The following GABPB1 variants were observed in gnomAD, a reference collection of about 807,000 sequenced individuals.
The protein encoded by GABPB1 is GA binding protein transcription factor subunit beta 1, also known as GA-binding protein subunit beta-1.
In GABPB1, 15 loss-of-function variants were observed where a neutral mutation model predicts 45.9. The observed-to-expected ratio is 0.33, with a 90% CI of 0.22 to 0.50. The LOEUF (loss-of-function observed/expected upper bound fraction) is 0.50, where lower values mean the gene tolerates loss of function less well. Among genes scored for constraint, GABPB1 ranks in the 20% least tolerant of loss-of-function variants. The pLI is 0.98. For missense variants in GABPB1, 252 were observed against 457.5 expected (o/e 0.55, Z 4.10); for synonymous variants, 143 against 154.4 (o/e 0.93, Z 0.55).
intron 1 of GABPB1, among the ~76,000 whole-genome samples, chr15:50,337,991 C>T (rs569062680): frequency 1.3e-5 from 2 of 152,154 alleles, no homozygotes; most frequent in African/African-American, 4.8e-5. Flanking sequence ...AAATATAATT[C>T]ATTCAAAAAA....
chr15:50,289,350 C>A (rs1490126107), intron 7 of GABPB1, 133 bp downstream of exon 7: 4 of 600,642 alleles, frequency 6.7e-6, no homozygotes, highest in African/African-American at 1.9e-5. Context: ...AAAATACATT[C>A]TTTGGAACAC....
chr15:50,306,553 G>A (rs2046954837), intron 2 of GABPB1, among the ~76,000 whole-genome samples: 1 of 151,464 alleles, frequency 6.6e-6, no homozygotes, highest in Non-Finnish European at 1.5e-5. Flanking sequence ...CTTGAACCCG[G>A]GAGGCAGAGG....
At chr15:50,285,933 A>C in intron 8 of GABPB1, 135 bp downstream of exon 8, 1 of 1,433,968 alleles carries the variant, frequency 7.0e-7, no homozygotes, top group South Asian at 1.7e-5. Flanking sequence ...TAAGGCAAAA[A>C]TAAACAAAAT....
chr15:50,305,730 T>C (rs1292810055), intron 2 of GABPB1, among the ~76,000 whole-genome samples: 2 of 152,194 alleles, frequency 1.3e-5, no homozygotes, highest in African/African-American at 4.8e-5. Flanking sequence ...TTTTGTCTTC[T>C]GAGACTTTCC....
At chr15:50,349,972 T>A (rs915860789) in intron 1 of GABPB1, 1 of 152,210 alleles carries the variant, frequency 6.6e-6, no homozygotes, top group Admixed American at 6.5e-5. Flanking sequence ...TGGGTTTTTT[T>A]ACCAAAATGG....
At chr15:50,354,630 C>A in intron 1 of GABPB1, 1 of 439,466 alleles carries the variant, frequency 2.3e-6, no homozygotes, top group East Asian at 8.5e-5. Flanking sequence ...TCGGCGCGAC[C>A]CCATCGCCAC....
intron 4 of GABPB1, among the ~76,000 whole-genome samples, chr15:50,302,518 C>A (rs1467845572): frequency 6.6e-6 from 1 of 151,710 alleles, no homozygotes; most frequent in Admixed American, 6.6e-5. Flanking sequence ...GCAGCATGCA[C>A]CTGTAGTCCC....
intron 1 of GABPB1, among the ~76,000 whole-genome samples, chr15:50,342,354 A>G: frequency 6.6e-6 from 1 of 152,006 alleles, no homozygotes; most frequent in East Asian, 1.9e-4. Flanking sequence ...ATAGGAGTAA[A>G]GGCTAATGGT....
intron 1 of GABPB1, among the ~76,000 whole-genome samples, chr15:50,333,069 A>G (rs2047999816): frequency 6.6e-6 from 1 of 152,140 alleles, no homozygotes. Flanking sequence ...TAATAACTTA[A>G]TAACTTATTA....
At chr15:50,296,487 C>A (rs536106533) in intron 6 of GABPB1, among the ~76,000 whole-genome samples, 1 of 152,104 alleles carries the variant, frequency 6.6e-6, no homozygotes, top group South Asian at 2.1e-4. Context: ...AAATTATAAA[C>A]GTTCTAAAAG....
At chr15:50,314,721 T>C (rs1458066575) in intron 1 of GABPB1, 2 of 152,262 alleles carry the variant, frequency 1.3e-5, no homozygotes, top group Non-Finnish European at 2.9e-5. Context: ...AAAGATTCCA[T>C]TGAAAATATA....
At chr15:50,320,500 T>C (rs1297350210) in intron 1 of GABPB1, among the ~76,000 whole-genome samples, 1 of 152,206 alleles carries the variant, frequency 6.6e-6, no homozygotes, top group Non-Finnish European at 1.5e-5. Context: ...AATCTTCCTG[T>C]CTCTGTACAC....
chr15:50,291,749 G>A (rs2059872463), intron 6 of GABPB1, among the ~76,000 whole-genome samples: 2 of 151,814 alleles, frequency 1.3e-5, no homozygotes, highest in African/African-American at 4.8e-5. Context: ...GTGAAAAACT[G>A]TCTACAAAAA....
intron 1 of GABPB1, chr15:50,327,351 A>T: frequency 6.6e-6 from 1 of 152,136 alleles, no homozygotes; most frequent in East Asian, 1.9e-4. Flanking sequence ...CTGGTCTTAC[A>T]CACTCATTGC....
intron 1 of GABPB1, among the ~76,000 whole-genome samples, chr15:50,310,770 G>A (rs766047260): frequency 1.2e-4 from 18 of 152,114 alleles, no homozygotes; most frequent in Non-Finnish European, 1.8e-4. Flanking sequence ...TTGAGGCCAG[G>A]AGTTCGAGAC....
intron 1 of GABPB1, among the ~76,000 whole-genome samples, chr15:50,318,007 C>T (rs201692040): frequency 4.0e-5 from 6 of 151,638 alleles, no homozygotes; most frequent in Non-Finnish European, 8.8e-5. Flanking sequence ...ATCATGTGTA[C>T]GTGTATGAAA....
intron 1 of GABPB1, among the ~76,000 whole-genome samples, chr15:50,316,882 T>G (rs2047349832): frequency 6.6e-6 from 1 of 152,146 alleles, no homozygotes; most frequent in Non-Finnish European, 1.5e-5. Flanking sequence ...AGTTTAATAT[T>G]ATCAATTAAT....
At chr15:50,310,166 C>T (rs1215319023) in intron 1 of GABPB1, among the ~76,000 whole-genome samples, 2 of 152,180 alleles carry the variant, frequency 1.3e-5, no homozygotes, top group Non-Finnish European at 2.9e-5. Context: ...GATGTTGGCT[C>T]ACTGCAACCT....
chr15:50,322,883 A>G (rs1483916288), intron 1 of GABPB1, among the ~76,000 whole-genome samples: 1 of 151,558 alleles, frequency 6.6e-6, no homozygotes, highest in East Asian at 2.0e-4. Flanking sequence ...AAAAAAATCA[A>G]CCAAGCATGG....
Sources: allele counts gnomAD v4.1 joint callset (sites outside exome capture counted in the v4.1 genomes callset), GRCh38; gene constraint gnomAD v4.1.1; transcripts MANE v1.5; gene names NCBI Gene and HGNC (gene_info 2026-07-23, HGNC 2026-07-21).